Variants in CLCA4 observed in about 807,000 individuals in gnomAD.
CLCA4 encodes the protein calcium-activated chloride channel regulator 4.
In CLCA4, 69 loss-of-function variants were observed where a neutral mutation model predicts 78.9. The observed-to-expected ratio is 0.87, with a 90% CI of 0.72 to 1.07. The LOEUF (loss-of-function observed/expected upper bound fraction) is 1.07, where lower values mean the gene tolerates loss of function less well. CLCA4 is among the 50% of genes least tolerant of loss of function. CLCA4 has a pLI of 0.00. For synonymous variants in CLCA4, 362 were observed against 375.8 expected, an observed-to-expected ratio of 0.96 and a Z score of 0.42; for missense variants, 1,133 against 1,095.8, an observed-to-expected ratio of 1.03 and a Z score of -0.48.
chr1:86,558,608 C>T (rs1191639694), intron 1 of CLCA4, among the ~76,000 whole-genome samples: 1 of 152,090 alleles, frequency 6.6e-6, no homozygotes, highest in African/African-American at 2.4e-5. Context: ...CCTCAGGAAA[C>T]TTACAATCAT....
At chr1:86,548,993 A>T (rs190815015) in intron 1 of CLCA4, among the ~76,000 whole-genome samples, 3 of 152,322 alleles carry the variant, frequency 2.0e-5, no homozygotes, top group Admixed American at 1.3e-4. Flanking sequence ...TGTTTATGAC[A>T]TGCTAAAGAG....
At chr1:86,564,964 A>G (rs992674370) in intron 4 of CLCA4, among the ~76,000 whole-genome samples, 1 of 152,092 alleles carries the variant, frequency 6.6e-6, no homozygotes, top group Admixed American at 6.6e-5. Context: ...TCCCTATAGC[A>G]TATTTACCAC....
intron 10 of CLCA4, 69 bp from the exon 11 acceptor site, chr1:86,575,263 A>G: frequency 3.1e-6 from 4 of 1,275,760 alleles, no homozygotes; most frequent in Non-Finnish European, 4.4e-6. Context: ...TTATTTTAGA[A>G]TTACATAATG....
intron 1 of CLCA4, among the ~76,000 whole-genome samples, chr1:86,555,674 T>C (rs1570321022): frequency 6.6e-6 from 1 of 152,364 alleles, no homozygotes; most frequent in Non-Finnish European, 1.5e-5. Context: ...TTGCCTTGGC[T>C]GTTCAGGCTC....
chr1:86,569,431 A>G (rs1650286680), intron 7 of CLCA4, among the ~76,000 whole-genome samples: 1 of 152,032 alleles, frequency 6.6e-6, no homozygotes, highest in African/African-American at 2.4e-5. Flanking sequence ...GATCTTAAAA[A>G]ACTTCAAAAA....
intron 3 of CLCA4, among the ~76,000 whole-genome samples, chr1:86,562,116 G>C (rs1650040731): frequency 6.6e-6 from 1 of 152,072 alleles, no homozygotes; most frequent in Non-Finnish European, 1.5e-5. Flanking sequence ...GAAGGGGAGA[G>C]AGAAATGTTA....
At chr1:86,579,704 A>G (rs1344589253) in intron 13 of CLCA4, 117 bp downstream of exon 13, 1 of 779,504 alleles carries the variant, frequency 1.3e-6, no homozygotes, top group Non-Finnish European at 2.1e-6. Flanking sequence ...GCAAAGTGTT[A>G]ATTTTATAAT....
chr1:86,547,178 A>C lies in CLCA4; in HGVS notation c.59A>C (p.Asn20Thr). The C allele has an allele frequency of 6.2e-7, 1 of 1,612,552 alleles. No individual in the cohort carries two copies. Among genetic ancestry groups the C allele is most frequent in the Non-Finnish European group, 8.5e-7 (1 of 1,179,466 alleles). Residue 20 changes from asparagine to threonine, a missense_variant, in exon 1 of 14, where the codon AAT (asparagine) becomes ACT (threonine). Physicochemically the swap from Asn to Thr is moderately conservative, Grantham distance 65. Coordinates refer to ENST00000370563, the MANE Select transcript of CLCA4 (RefSeq NM_012128.4). Reference protein sequence around the residue: ...LLVLCLLHQSNTSFIKLNNNG... With the variant: ...LLVLCLLHQSTTSFIKLNNNG... ...GTTCTGTGCCTGCTGCACCAGTCAAATACTTCCTTCATTAAGCTGAATAAT... is the reference window on the plus strand; with the variant it reads ...GTTCTGTGCCTGCTGCACCAGTCAACTACTTCCTTCATTAAGCTGAATAAT...
chr1:86,579,812 C>A, intron 13 of CLCA4, 130 bp from the exon 14 acceptor site: 2 of 753,906 alleles, frequency 2.7e-6, no homozygotes, highest in Non-Finnish European at 4.2e-6. Flanking sequence ...CAGAATTCAG[C>A]TTTTATTAAA....
chr1:86,552,546 G>C (rs1361732314), intron 1 of CLCA4: 2 of 525,332 alleles, frequency 3.8e-6, no homozygotes, highest in Admixed American at 3.6e-5. Context: ...CGGGCGGCAG[G>C]CGCACCCTCT....
At chr1:86,560,566 A>G (rs577732018) in intron 3 of CLCA4, among the ~76,000 whole-genome samples, 1 of 152,326 alleles carries the variant, frequency 6.6e-6, no homozygotes, top group African/African-American at 2.4e-5. Context: ...CTACCTTGTA[A>G]AATATTTGTT....
At position 86,575,124 on chromosome 1, in the gene CLCA4, A is replaced by G. The variant is rs192465724; in HGVS notation, c.1684-208A>G. On this transcript the variant is annotated intron_variant, in intron 10 of 13. Coordinates refer to ENST00000370563, the MANE Select transcript of CLCA4 (RefSeq NM_012128.4). The stretch of plus-strand genomic sequence containing the variant: ...AACCTTCTAAAACTTATTTTTTCCA[A>G]TTGAGATGTAGCGAAGTGTACACAT... Among the ~76,000 whole-genome samples, 434 of 152,130 alleles carry G rather than the reference A, an allele frequency of 2.9e-3. 6 individuals carry two copies. Among genetic ancestry groups the G allele is most frequent in the African/African-American group, 9.9e-3 (411 of 41,536 alleles).
chr1:86,548,092 A>G (rs1649550953), intron 1 of CLCA4, among the ~76,000 whole-genome samples: 1 of 152,124 alleles, frequency 6.6e-6, no homozygotes, highest in Non-Finnish European at 1.5e-5. Flanking sequence ...CTCTTTCTCC[A>G]CATCCTTGTC....
chr1:86,569,047 A>T (rs1404020943), intron 7 of CLCA4, among the ~76,000 whole-genome samples: 5 of 152,096 alleles, frequency 3.3e-5, no homozygotes, highest in African/African-American at 1.2e-4. Context: ...TCAAAATATG[A>T]ACATGCTTTA....
At chr1:86,552,939 C>T (rs976498082) in intron 1 of CLCA4, 51 of 647,966 alleles carry the variant, frequency 7.9e-5, no homozygotes, top group Non-Finnish European at 1.3e-4. Flanking sequence ...GGTGCCTCGG[C>T]GTCTGTGCTG....
chr1:86,547,590 C>T (rs1230912350), intron 1 of CLCA4, among the ~76,000 whole-genome samples: 2 of 152,188 alleles, frequency 1.3e-5, no homozygotes, highest in Non-Finnish European at 2.9e-5. Flanking sequence ...CTTTTGTACA[C>T]ATTGACAAAC....
At chr1:86,564,635 C>T (rs2101803179) in intron 4 of CLCA4, among the ~76,000 whole-genome samples, 1 of 152,120 alleles carries the variant, frequency 6.6e-6, no homozygotes, top group South Asian at 2.1e-4. Flanking sequence ...AACTGAAAGC[C>T]TATTGAAAAG....
rs1305461161 is a variant in CLCA4, at chr1:86,580,091, GAAA to G, written c.2508_2510del (p.Glu836_Asn837delinsAsp). On this transcript the variant is annotated inframe_deletion, in exon 14 of 14. Coordinates refer to ENST00000370563, the MANE Select transcript of CLCA4 (RefSeq NM_012128.4). ...ATTTAAACCAGAAAATATCTCAGAA[GAAA>G]ATGCAACCCACATATTTATTGCCAT... 1.9e-6 allele frequency: 3 copies of G among 1,612,940 alleles called. No individual in the cohort carries two copies. Among genetic ancestry groups the G allele is most frequent in the Non-Finnish European group, 8.5e-7 (1 of 1,179,430 alleles).
intron 1 of CLCA4, among the ~76,000 whole-genome samples, chr1:86,549,213 A>G (rs1649587307): frequency 6.6e-6 from 1 of 152,166 alleles, no homozygotes; most frequent in Admixed American, 6.5e-5. Flanking sequence ...GGAAGGCCTC[A>G]CTGATGATGT....
Sources: allele counts gnomAD v4.1 joint callset (sites outside exome capture counted in the v4.1 genomes callset), GRCh38; gene constraint gnomAD v4.1.1; transcripts MANE v1.5; gene names NCBI Gene and HGNC (gene_info 2026-07-23, HGNC 2026-07-21).